Variants in RUNDC3B observed in about 807,000 individuals in gnomAD.
RUNDC3B encodes the protein RUN domain-containing protein 3B.
Under a neutral mutation model 58.4 loss-of-function variants are expected in RUNDC3B, and 33 were observed. The observed-to-expected ratio is 0.56, with a 90% CI of 0.43 to 0.75. RUNDC3B has a LOEUF of 0.75. Among genes scored for constraint, RUNDC3B ranks in the 30% least tolerant of loss-of-function variants. RUNDC3B has a pLI of 0.00. For synonymous variants in RUNDC3B, 193 were observed against 195.2 expected, an observed-to-expected ratio of 0.99 and a Z score of 0.10; for missense variants, 501 against 535.7, an observed-to-expected ratio of 0.94 and a Z score of 0.64.
intron 10 of RUNDC3B, among the ~76,000 whole-genome samples, chr7:87,825,519 G>A (rs1837755198): frequency 6.6e-6 from 1 of 152,206 alleles, no homozygotes; most frequent in Non-Finnish European, 1.5e-5. Flanking sequence ...CAGTGCAGAA[G>A]GGAAATGTGG....
intron 4 of RUNDC3B, among the ~76,000 whole-genome samples, chr7:87,734,649 C>G (rs1421909488): frequency 6.6e-6 from 1 of 152,168 alleles, no homozygotes; most frequent in Non-Finnish European, 1.5e-5. Context: ...ACACTGTCAT[C>G]ATTTTCTTAC....
Position 87,689,545 on chromosome 7 carries a change from C to A in RUNDC3B, c.239-10876C>A, listed in dbSNP as rs548213715. Reference sequence around the variant, plus strand: ...TACTTTAGCTAATATTGCTAAATTACTAATTAGCTAATTATTAATTAGCTA... The same window carrying A: ...TACTTTAGCTAATATTGCTAAATTAATAATTAGCTAATTATTAATTAGCTA... On this transcript the variant is annotated intron_variant, in intron 2 of 10. Coordinates refer to ENST00000394654, the MANE Select transcript of RUNDC3B (RefSeq NM_001134405.2). Among the ~76,000 whole-genome samples the A allele has an allele frequency of 3.9e-5, 6 of 152,198 alleles. No homozygotes were observed. In the South Asian group the frequency reaches 1.2e-3, roughly 32 times the overall value.
At chr7:87,683,173 A>G (rs1827099684) in intron 2 of RUNDC3B, among the ~76,000 whole-genome samples, 1 of 152,168 alleles carries the variant, frequency 6.6e-6, no homozygotes, top group African/African-American at 2.4e-5. Context: ...TCATAGCATT[A>G]AAGAGAGGAC....
At chr7:87,713,670 A>C (rs1830297932) in intron 4 of RUNDC3B, among the ~76,000 whole-genome samples, 1 of 151,334 alleles carries the variant, frequency 6.6e-6, no homozygotes, top group Non-Finnish European at 1.5e-5. Flanking sequence ...AAAAAGAGAG[A>C]GACTTCTTTT....
chr7:87,647,774 CACCA>C (rs1434434848), intron 1 of RUNDC3B, among the ~76,000 whole-genome samples: 7 of 152,290 alleles, frequency 4.6e-5, no homozygotes, highest in African/African-American at 1.4e-4. Context: ...CATGATCAGA[CACCA>C]ATAATATCAC....
chr7:87,717,457 G>C (rs1233274782), intron 4 of RUNDC3B, among the ~76,000 whole-genome samples: 1 of 151,886 alleles, frequency 6.6e-6, no homozygotes, highest in Non-Finnish European at 1.5e-5. Flanking sequence ...ATTTTCAAGA[G>C]AGACCAATTA....
At chr7:87,741,770 C>T (rs1477584230) in intron 6 of RUNDC3B, among the ~76,000 whole-genome samples, 191 bp downstream of exon 6, 2 of 152,212 alleles carry the variant, frequency 1.3e-5, no homozygotes, top group Middle Eastern at 3.4e-3. Flanking sequence ...TGTAAATATA[C>T]ACTTTTTAAC....
At chr7:87,813,625 G>A (rs1165800996) in intron 9 of RUNDC3B, among the ~76,000 whole-genome samples, 1 of 152,062 alleles carries the variant, frequency 6.6e-6, no homozygotes, top group Non-Finnish European at 1.5e-5. Context: ...ATTTGGAAAG[G>A]AAATGTATTT....
At chr7:87,635,412 G>C (rs1379604284) in intron 1 of RUNDC3B, among the ~76,000 whole-genome samples, 1 of 152,096 alleles carries the variant, frequency 6.6e-6, no homozygotes, top group East Asian at 1.9e-4. Context: ...TCTGTGTTTA[G>C]TGCCAACAAT....
chr7:87,743,038 T>A (rs1832431638), intron 6 of RUNDC3B, among the ~76,000 whole-genome samples: 1 of 150,742 alleles, frequency 6.6e-6, no homozygotes, highest in Non-Finnish European at 1.5e-5. Context: ...GGTGTGAACC[T>A]GGGAGGCGGA....
intron 4 of RUNDC3B, among the ~76,000 whole-genome samples, chr7:87,730,943 C>G (rs748201912): frequency 1.3e-5 from 2 of 152,022 alleles, no homozygotes; most frequent in Non-Finnish European, 2.9e-5. Context: ...AGGACATTTT[C>G]CCATATCTTA....
At chr7:87,816,050 A>C (rs943878985) in intron 9 of RUNDC3B, 91 bp from the exon 10 acceptor site, 1 of 911,772 alleles carries the variant, frequency 1.1e-6, no homozygotes, top group African/African-American at 1.7e-5. Context: ...TTAACCAGAA[A>C]TTTAACATAT....
intron 6 of RUNDC3B, among the ~76,000 whole-genome samples, chr7:87,757,359 T>C (rs1049806399): frequency 6.6e-6 from 1 of 152,086 alleles, no homozygotes; most frequent in Admixed American, 6.6e-5. Flanking sequence ...AAAATCAACA[T>C]AGGAAAATCA....
At chr7:87,749,732 A>T (rs544919855) in intron 6 of RUNDC3B, among the ~76,000 whole-genome samples, 82 of 152,246 alleles carry the variant, frequency 5.4e-4, no homozygotes, top group African/African-American at 1.9e-3. Context: ...ATTATAAAAT[A>T]AATAAAGATA....
chr7:87,736,891 T>A (rs6963881), intron 4 of RUNDC3B, among the ~76,000 whole-genome samples: 252 of 34,674 alleles, frequency 7.3e-3, no homozygotes, highest in Non-Finnish European at 9.1e-3. Flanking sequence ...ATATATATAT[T>A]TTTTTTTTTT....
chr7:87,710,550 T>C lies in RUNDC3B; in HGVS notation c.373-20T>C, dbSNP rs1829986103. 1 of 1,430,010 alleles carries C rather than the reference T, an allele frequency of 7.0e-7. No individual in the cohort carries two copies. The highest frequency in any genetic ancestry group is 9.6e-7 in the Non-Finnish European group (1 of 1,041,832). The allele number at this position is 1,430,010 out of a possible 1,614,324, so 88.6% of individuals were successfully genotyped here. A position where few individuals can be genotyped will look rare whatever the true frequency, so the allele number is the denominator to read the frequency against. On this transcript the variant is annotated intron_variant, in intron 3 of 10. Coordinates refer to ENST00000394654, the MANE Select transcript of RUNDC3B (RefSeq NM_001134405.2). ...TTTTTTTAATTTTTTTTATATTTGA[T>C]TCTTTCTTCTTCCTTTTAGGGTAGA... is the stretch of plus-strand genomic sequence containing the variant.
intron 1 of RUNDC3B, 159 bp downstream of exon 1, chr7:87,629,104 A>G: frequency 7.9e-6 from 5 of 636,808 alleles, no homozygotes; most frequent in Non-Finnish European, 1.2e-5. Context: ...CTCCTTGGAC[A>G]GGGGCCCGGG....
intron 8 of RUNDC3B, among the ~76,000 whole-genome samples, chr7:87,792,388 T>G (rs558730381): frequency 6.6e-6 from 1 of 152,252 alleles, no homozygotes; most frequent in East Asian, 1.9e-4. Flanking sequence ...ACAGAACATT[T>G]CATCCAATGG....
Position 87,719,064 on chromosome 7 carries a change from A to G in RUNDC3B, c.458+8409A>G, listed in dbSNP as rs538426662. Among the ~76,000 whole-genome samples, 14 of 152,240 alleles carry G rather than the reference A, an allele frequency of 9.2e-5. 1 individual carries two copies. Among genetic ancestry groups the G allele is most frequent in the African/African-American group, 3.1e-4 (13 of 41,576 alleles). On this transcript the variant is annotated intron_variant, in intron 4 of 10. Coordinates refer to ENST00000394654, the MANE Select transcript of RUNDC3B (RefSeq NM_001134405.2). ...CATATACACAAGTAACACATGTAACATAGTTACACAGGTAACATAACACAG... is the reference window on the plus strand; with the variant it reads ...CATATACACAAGTAACACATGTAACGTAGTTACACAGGTAACATAACACAG...
Sources: allele counts gnomAD v4.1 joint callset (sites outside exome capture counted in the v4.1 genomes callset), GRCh38; gene constraint gnomAD v4.1.1; transcripts MANE v1.5; gene names NCBI Gene and HGNC (gene_info 2026-07-23, HGNC 2026-07-21).